The following RAB3D variants were observed in gnomAD, a reference collection of about 807,000 sequenced individuals.
RAB3D encodes ras-related protein Rab-3D.
In RAB3D, 17 loss-of-function variants were observed where a neutral mutation model predicts 19.3. The ratio of observed to expected loss-of-function variants is 0.88; its 90% CI spans 0.60 to 1.32. The LOEUF is 1.32. Among genes scored for constraint, RAB3D ranks in the 40% most tolerant of loss-of-function variants. The pLI is 0.00. For synonymous variants in RAB3D, 103 were observed against 119.9 expected (o/e 0.86, Z 0.92); for missense variants, 223 against 299.1 (o/e 0.75, Z 1.88).
chr19:11,337,143 C>A, intron 2 of RAB3D, 29 bp downstream of exon 2: 1 of 1,597,906 alleles, frequency 6.3e-7, no homozygotes, highest in Non-Finnish European at 8.6e-7. Context: ...GGACCCCACC[C>A]CCAACCCACA....
At chr19:11,331,179 C>T (rs1959856869) in intron 4 of RAB3D, among the ~76,000 whole-genome samples, 1 of 151,900 alleles carries the variant, frequency 6.6e-6, no homozygotes, top group South Asian at 2.1e-4. Context: ...CCTGTAATCC[C>T]AGCTACTCAG....
chr19:11,329,499 C>T (rs868846589), intron 4 of RAB3D, among the ~76,000 whole-genome samples: 164 of 150,622 alleles, frequency 1.1e-3, no homozygotes, highest in Middle Eastern at 3.4e-3. Flanking sequence ...CCCAGCTGTT[C>T]GGGAGGCTGA....
intron 4 of RAB3D, among the ~76,000 whole-genome samples, chr19:11,328,328 T>A (rs2080823027): frequency 1.2e-5 from 1 of 84,420 alleles, no homozygotes; most frequent in Non-Finnish European, 2.0e-5. Context: ...AACAAGATAT[T>A]ATCTCAAAAA....
intron 4 of RAB3D, among the ~76,000 whole-genome samples, chr19:11,335,135 G>A (rs1568301425): frequency 6.6e-6 from 1 of 152,222 alleles, no homozygotes; most frequent in African/African-American, 2.4e-5. Context: ...GACACCTGGG[G>A]GGGATCTGTA....
At chr19:11,338,033 T>TGG (rs995906740) in intron 1 of RAB3D, among the ~76,000 whole-genome samples, 2 of 152,136 alleles carry the variant, frequency 1.3e-5, no homozygotes, top group Non-Finnish European at 2.9e-5. Context: ...CTGTTCTCTG[T>TGG]GGAAATGCAG....
At chr19:11,327,418 G>A (rs1411669375) in intron 4 of RAB3D, among the ~76,000 whole-genome samples, 2 of 152,058 alleles carry the variant, frequency 1.3e-5, no homozygotes, top group African/African-American at 2.4e-5. Flanking sequence ...TTTTTGTTGA[G>A]ACAGAGTTTT....
chr19:11,337,159 C>T lies in RAB3D; in HGVS notation c.228+13G>A. The T allele has an allele frequency of 6.2e-7, 1 of 1,610,498 alleles. No individual in the cohort carries two copies. Among genetic ancestry groups the T allele is most frequent in the Non-Finnish European group, 8.5e-7 (1 of 1,177,070 alleles). On this transcript the variant is annotated intron_variant, in intron 2 of 4. Coordinates refer to ENST00000222120, the MANE Select transcript of RAB3D (RefSeq NM_004283.4). ...GACCCCACCCCCAACCCACAGCCAG[C>T]CTCCCAGCCTACCCAGATCTGCAGC...
chr19:11,329,551 G>A (rs907166035), intron 4 of RAB3D, among the ~76,000 whole-genome samples: 2 of 151,132 alleles, frequency 1.3e-5, no homozygotes, highest in African/African-American at 4.9e-5. Flanking sequence ...AGGTTGCAGC[G>A]AGCCAAGATT....
intron 4 of RAB3D, among the ~76,000 whole-genome samples, chr19:11,332,787 A>AT (rs2080839634): frequency 6.6e-6 from 1 of 151,964 alleles, no homozygotes; most frequent in Admixed American, 6.6e-5. Context: ...GGCCAAAGTT[A>AT]TTTTTTTAAA....
chr19:11,322,123 T>A lies in RAB3D; in HGVS notation c.*3275A>T, dbSNP rs556860818. On this transcript the variant is annotated 3_prime_UTR_variant, in exon 5 of 5. Coordinates refer to ENST00000222120, the MANE Select transcript of RAB3D (RefSeq NM_004283.4). ...TTGAGAAGAGTACATCTTTCCAAACTGGACATCAAGGAATTGCTACACAGA... is the reference window on the plus strand; with the variant it reads ...TTGAGAAGAGTACATCTTTCCAAACAGGACATCAAGGAATTGCTACACAGA... The A allele has an allele frequency of 1.6e-4, 25 of 152,154 alleles. No individual in the cohort carries two copies. The highest frequency in any genetic ancestry group is 2.6e-4 in the Admixed American group (4 of 15,266). The allele number at this position is 152,154 out of a possible 1,614,324, so 9.4% of individuals were successfully genotyped here.
Position 11,332,543 on chromosome 19 carries a change from C to A in RAB3D, c.472+2904G>T, listed in dbSNP as rs572531759. Among the ~76,000 whole-genome samples, 4 of 152,284 alleles carry A rather than the reference C, an allele frequency of 2.6e-5. No individual in the cohort carries two copies. In the South Asian group the frequency reaches 8.3e-4, roughly 32 times the overall value. On this transcript the variant is annotated intron_variant, in intron 4 of 4. Coordinates refer to ENST00000222120, the MANE Select transcript of RAB3D (RefSeq NM_004283.4). ...CATTTTTTTGTAGAGACAGGGTTTA[C>A]CATGTTGACCAGGCTGGTCTCAAAG...
intron 4 of RAB3D, among the ~76,000 whole-genome samples, chr19:11,333,921 C>G (rs932837533): frequency 6.6e-6 from 1 of 151,658 alleles, no homozygotes; most frequent in Non-Finnish European, 1.5e-5. Flanking sequence ...GTCTAGAACT[C>G]CTGGCCTCAG....
chr19:11,333,080 CTTTT>C (rs754729605), intron 4 of RAB3D, among the ~76,000 whole-genome samples: 2 of 137,156 alleles, frequency 1.5e-5, no homozygotes. Flanking sequence ...AGAAATATTT[CTTTT>C]TTTTTTTTTT....
chr19:11,334,816 G>T (rs1050269886), intron 4 of RAB3D, among the ~76,000 whole-genome samples: 2 of 151,968 alleles, frequency 1.3e-5, no homozygotes, highest in African/African-American at 4.8e-5. Context: ...CCAGCTACTT[G>T]GGAGGCTGAA....
intron 2 of RAB3D, among the ~76,000 whole-genome samples, chr19:11,336,206 C>T (rs1966894174): frequency 1.3e-5 from 2 of 152,180 alleles, no homozygotes; most frequent in African/African-American, 2.4e-5. Context: ...CTAGGTGTGA[C>T]TCTGCAGACC....
At chr19:11,336,018 T>G (rs1479965118) in intron 2 of RAB3D, among the ~76,000 whole-genome samples, 1 of 152,214 alleles carries the variant, frequency 6.6e-6, no homozygotes, top group Non-Finnish European at 1.5e-5. Context: ...AGGGAGAGAC[T>G]TGGGCTTGCC....
chr19:11,326,427 C>A (rs1420308771), intron 4 of RAB3D, among the ~76,000 whole-genome samples: 2 of 152,096 alleles, frequency 1.3e-5, no homozygotes, highest in Admixed American at 6.5e-5. Flanking sequence ...ATGGTCTGGA[C>A]AATCCTAAGA....
Position 11,322,403 on chromosome 19 carries a change from A to G in RAB3D, c.*2995T>C, listed in dbSNP as rs927895740. The G allele has an allele frequency of 6.6e-6, 1 of 151,994 alleles. No homozygotes were observed. Among genetic ancestry groups the G allele is most frequent in the Non-Finnish European group, 1.5e-5 (1 of 67,988 alleles). 9.4% of individuals were successfully genotyped at this position (151,994 alleles called of 1,614,324 possible). A position where few individuals can be genotyped will look rare whatever the true frequency, so the allele number is the denominator to read the frequency against. On this transcript the variant is annotated 3_prime_UTR_variant, in exon 5 of 5. Coordinates refer to ENST00000222120, the MANE Select transcript of RAB3D (RefSeq NM_004283.4). ...ACCCCTGTGGTCATGGCAATTTCCC[A>G]TCAAAACTGCCCATGTAAAATAAAC...
rs1259432190 is a variant in RAB3D at position 11,325,215 on chromosome 19, G to A, written c.*183C>T. On this transcript the variant is annotated 3_prime_UTR_variant, in exon 5 of 5. Transcript: ENST00000222120. Reference sequence around the variant, plus strand: ...CCCATGGTCCGCAGCCTCCCACCGGGGCTGCCTGAGGAACCTGGCAGCCAC... The same window carrying A: ...CCCATGGTCCGCAGCCTCCCACCGGAGCTGCCTGAGGAACCTGGCAGCCAC... The A allele has an allele frequency of 1.8e-6, 1 of 558,118 alleles. No homozygotes were observed. The highest frequency in any genetic ancestry group is 3.2e-6 in the Non-Finnish European group (1 of 310,772). 34.6% of individuals were successfully genotyped at this position (558,118 alleles called of 1,614,324 possible).
Sources: gnomAD v4.1 joint callset for allele counts (sites outside exome capture counted in the v4.1 genomes callset) on GRCh38, gnomAD v4.1.1 for gene constraint, MANE v1.5 for transcripts, NCBI Gene and HGNC (gene_info 2026-07-23, HGNC 2026-07-21) for gene names.